The following VPS33A variants were observed in gnomAD, a reference collection of about 807,000 sequenced individuals.
VPS33A encodes vacuolar protein sorting-associated protein 33A.
Under a neutral mutation model 71.8 loss-of-function variants are expected in VPS33A, and 32 were observed. The observed-to-expected ratio is 0.45, with a 90% CI of 0.34 to 0.60. The LOEUF is 0.60. Among genes scored for constraint, VPS33A ranks in the 20% least tolerant of loss-of-function variants. The probability of loss-of-function intolerance (pLI) is 0.02; values close to 1 mark genes in which losing one functional copy is unlikely to be tolerated. For missense variants in VPS33A, 625 were observed against 748.5 expected, an observed-to-expected ratio of 0.84 and a Z score of 1.92; for synonymous variants, 311 against 292.7, an observed-to-expected ratio of 1.06 and a Z score of -0.64.
intron 6 of VPS33A, among the ~76,000 whole-genome samples, chr12:122,246,744 C>T (rs1266546279): frequency 6.6e-6 from 1 of 151,984 alleles, no homozygotes; most frequent in Non-Finnish European, 1.5e-5. Flanking sequence ...GGATTATAGC[C>T]ACCCGCCACC....
intron 6 of VPS33A, among the ~76,000 whole-genome samples, chr12:122,246,626 G>A (rs7307891): frequency 0.11 from 16,996 of 150,558 alleles, 2,820 homozygotes; most frequent in African/African-American, 0.37. Context: ...TTGAGACACA[G>A]TCTCAGTCTG....
intron 4 of VPS33A, among the ~76,000 whole-genome samples, chr12:122,251,978 C>A (rs933602614): frequency 6.6e-6 from 1 of 151,508 alleles, no homozygotes; most frequent in African/African-American, 2.4e-5. Context: ...CCTGGGAAGG[C>A]TAGGTGCAGT....
chr12:122,238,623 T>C lies in VPS33A; in HGVS notation c.1266A>G (p.Gln422=), dbSNP rs545826905. The C allele has an allele frequency of 1.9e-6, 3 of 1,612,586 alleles. No individual in the cohort carries two copies. The highest frequency in any genetic ancestry group is 1.7e-5 in the Admixed American group (1 of 59,270). The change falls in exon 10 of 13, where the codon CAA becomes CAG. Residue 422 remains glutamine, a synonymous_variant. Coordinates refer to ENST00000267199, the MANE Select transcript of VPS33A (RefSeq NM_022916.6). ...CTCTTTTGTAATAATCCAAAACTTTTTGTTTGAGCCCACTATTACACACGG... is the reference window on the plus strand; with the variant it reads ...CTCTTTTGTAATAATCCAAAACTTTCTGTTTGAGCCCACTATTACACACGG... ...LQSVCNSGLK[Q]KVLDYYKREI...
At chr12:122,235,139 T>C (rs1566037048) in intron 11 of VPS33A, among the ~76,000 whole-genome samples, 1 of 152,034 alleles carries the variant, frequency 6.6e-6, no homozygotes. Context: ...GCCATTTTTT[T>C]TGTAGAGACA....
chr12:122,260,711 C>T (rs971325796), intron 4 of VPS33A, among the ~76,000 whole-genome samples: 2 of 152,150 alleles, frequency 1.3e-5, no homozygotes, highest in Admixed American at 6.5e-5. Flanking sequence ...TTAAGCCAGG[C>T]GCGGTGGCTC....
chr12:122,246,823 A>G (rs1463473777), intron 6 of VPS33A, among the ~76,000 whole-genome samples: 2 of 152,120 alleles, frequency 1.3e-5, no homozygotes, highest in Non-Finnish European at 2.9e-5. Flanking sequence ...GCTGGTCTCG[A>G]ACTCCTGACC....
chr12:122,241,649 G>C (rs1181067834), intron 8 of VPS33A, among the ~76,000 whole-genome samples: 1 of 151,684 alleles, frequency 6.6e-6, no homozygotes, highest in East Asian at 1.9e-4. Flanking sequence ...CTGGAGTGCA[G>C]TGGCGTGATT....
chr12:122,233,228 CTT>C (rs11365018), intron 11 of VPS33A, among the ~76,000 whole-genome samples: 27 of 143,558 alleles, frequency 1.9e-4, no homozygotes, highest in Middle Eastern at 7.2e-3. Flanking sequence ...TGGCATGAAA[CTT>C]TTTTTTTTTT....
rs1284241643 is a variant in VPS33A, at chr12:122,266,387, C to T, written c.22G>A (p.Gly8Ser). The T allele has an allele frequency of 3.7e-6, 6 of 1,613,002 alleles. No individual in the cohort carries two copies. Among genetic ancestry groups the T allele is most frequent in the Admixed American group, 1.7e-5 (1 of 59,990 alleles). MAAHLSY[G>S]RVNLNVLREA... ...CGCAACACGTTTAGGTTCACTCGGC[C>T]GTAGGACAGATGAGCCGCCATCTTG... Residue 8 changes from glycine (G) to serine (S), a missense_variant, in exon 1 of 13, where the codon GGC becomes AGC. Transcript: ENST00000267199.
chr12:122,254,848 C>T (rs961080281), intron 4 of VPS33A, among the ~76,000 whole-genome samples: 4 of 151,900 alleles, frequency 2.6e-5, no homozygotes, highest in Admixed American at 2.0e-4. Context: ...GTCAGGAGTT[C>T]GAGACCAGCT....
chr12:122,245,088 G>A (rs567781812), intron 6 of VPS33A, among the ~76,000 whole-genome samples: 6 of 152,182 alleles, frequency 3.9e-5, no homozygotes, highest in Admixed American at 2.0e-4. Context: ...TTTTCAAACT[G>A]TAGATCATGT....
At chr12:122,234,152 A>G (rs1954600029) in intron 11 of VPS33A, among the ~76,000 whole-genome samples, 1 of 152,226 alleles carries the variant, frequency 6.6e-6, no homozygotes, top group Non-Finnish European at 1.5e-5. Flanking sequence ...GTAAAAATGT[A>G]TATGCACAGA....
At chr12:122,251,180 C>T (rs1293308000) in intron 4 of VPS33A, 81 bp from the exon 5 acceptor site, 13 of 888,710 alleles carry the variant, frequency 1.5e-5, no homozygotes, top group Middle Eastern at 2.7e-4. Flanking sequence ...TGGGGTGCAG[C>T]GACAGACAAT....
At chr12:122,239,597 G>T (rs1261182463) in intron 9 of VPS33A, among the ~76,000 whole-genome samples, 1 of 151,816 alleles carries the variant, frequency 6.6e-6, no homozygotes, top group African/African-American at 2.4e-5. Context: ...AGCCAGGTGT[G>T]GTGGTGAGCG....
intron 10 of VPS33A, among the ~76,000 whole-genome samples, chr12:122,237,016 T>G (rs1377876696): frequency 6.6e-6 from 1 of 152,176 alleles, no homozygotes; most frequent in Non-Finnish European, 1.5e-5. Flanking sequence ...TACTTCTGCA[T>G]TATTTGACTC....
At chr12:122,257,799 T>C (rs760567741) in intron 4 of VPS33A, among the ~76,000 whole-genome samples, 23 of 152,206 alleles carry the variant, frequency 1.5e-4, no homozygotes, top group Non-Finnish European at 3.4e-4. Context: ...ACTTCTGATT[T>C]CAAAGCTTAT....
rs1364410637 is a variant in VPS33A, at chr12:122,261,327, C to A, written c.417G>T (p.Glu139Asp). 5 of 1,614,068 alleles carry A rather than the reference C, an allele frequency of 3.1e-6. No individual in the cohort carries two copies. The highest frequency in any genetic ancestry group is 4.2e-6 in the Non-Finnish European group (5 of 1,180,010). Residue 139 changes from glutamate (E) to aspartate (D), a missense_variant, in exon 4 of 13, where the codon GAG becomes GAT. Glu to Asp is a conservative substitution (Grantham distance 45, BLOSUM62 2). Coordinates refer to ENST00000267199, the MANE Select transcript of VPS33A (RefSeq NM_022916.6). Reference protein sequence around the residue: ...GVLGSFIHREEYSLDLIPFDG... With the variant: ...GVLGSFIHREDYSLDLIPFDG... Reference sequence around the variant, plus strand: ...CGAATGGAATGAGATCTAAGCTGTACTCCTCCCTGTGAATAAAGGATCCCA... The same window carrying A: ...CGAATGGAATGAGATCTAAGCTGTAATCCTCCCTGTGAATAAAGGATCCCA...
intron 6 of VPS33A, among the ~76,000 whole-genome samples, chr12:122,246,669 G>A (rs1244125642): frequency 7.0e-6 from 1 of 142,416 alleles, no homozygotes; most frequent in South Asian, 2.3e-4. Flanking sequence ...GCACGATCTC[G>A]GCTCACTGCA....
rs988835261 is a variant in VPS33A at position 122,235,383 on chromosome 12, G to C, written c.1440+403C>G. Among the ~76,000 whole-genome samples, 6 of 151,462 alleles carry C rather than the reference G, an allele frequency of 4.0e-5. No homozygotes were observed. In the South Asian group the frequency reaches 1.3e-3, roughly 32 times the overall value. On this transcript the variant is annotated intron_variant, in intron 11 of 12. Transcript: ENST00000267199. ...AGGTTCAAGCAATTCTCCTGCCTCA[G>C]CCCCCCAAGTAGATGGGATTACAGG...
Sources: allele counts gnomAD v4.1 joint callset (sites outside exome capture counted in the v4.1 genomes callset), GRCh38; gene constraint gnomAD v4.1.1; transcripts MANE v1.5; gene names NCBI Gene and HGNC (gene_info 2026-07-23, HGNC 2026-07-21).